ITIH5: variants seen among roughly 807,000 people sequenced by gnomAD.
The protein encoded by ITIH5 is inter-alpha-trypsin inhibitor heavy chain H5.
A neutral mutation model predicts 77.5 loss-of-function variants in ITIH5; 65 were observed. That is an observed-to-expected ratio of 0.84 (90% CI 0.69 to 1.03). ITIH5 has a LOEUF of 1.03. ITIH5 is among the 50% of genes least tolerant of loss of function. The pLI, the probability that ITIH5 is intolerant of heterozygous loss-of-function variation, is 0.00. For synonymous variants in ITIH5, 525 were observed against 494.3 expected (o/e 1.06, Z -0.82); for missense variants, 1,208 against 1,213.1 (o/e 1.00, Z 0.06).
At chr10:7,645,047 G>C in intron 2 of ITIH5, among the ~76,000 whole-genome samples, 1 of 150,680 alleles carries the variant, frequency 6.6e-6, no homozygotes, top group African/African-American at 2.4e-5. Flanking sequence ...ATGAGGAAGG[G>C]GAGAGAATGG....
At chr10:7,605,533 A>ACC (rs767043819) in intron 7 of ITIH5, among the ~76,000 whole-genome samples, 73 of 45,468 alleles carry the variant, frequency 1.6e-3, no homozygotes, top group African/African-American at 4.7e-3. Flanking sequence ...CATACCTAGC[A>ACC]CCCCACCCCC....
intron 5 of ITIH5, among the ~76,000 whole-genome samples, chr10:7,623,489 G>A (rs1464638734): frequency 1.3e-5 from 2 of 152,138 alleles, no homozygotes; most frequent in Non-Finnish European, 2.9e-5. Context: ...AGGCAATGAC[G>A]ATGAGAAGGA....
At chr10:7,626,613 G>T (rs1324198221) in intron 5 of ITIH5, among the ~76,000 whole-genome samples, 1 of 152,176 alleles carries the variant, frequency 6.6e-6, no homozygotes, top group Non-Finnish European at 1.5e-5. Context: ...CAGTCACAGT[G>T]CAGCCCTTTA....
intron 12 of ITIH5, chr10:7,569,453 A>G: frequency 2.4e-6 from 1 of 419,740 alleles, no homozygotes; most frequent in Non-Finnish European, 4.2e-6. Flanking sequence ...AACAACTCCC[A>G]AGGCATGTGC....
At chr10:7,601,047 C>T (rs1833004747) in intron 7 of ITIH5, among the ~76,000 whole-genome samples, 1 of 152,166 alleles carries the variant, frequency 6.6e-6, no homozygotes, top group Non-Finnish European at 1.5e-5. Context: ...TATGGCACCA[C>T]TAAATATAAC....
intron 5 of ITIH5, among the ~76,000 whole-genome samples, chr10:7,630,442 C>T (rs2131062945): frequency 6.6e-6 from 1 of 152,298 alleles, no homozygotes. Flanking sequence ...ACATTCCTAC[C>T]AGCAATGTAC....
At chr10:7,629,914 T>C (rs1283796526) in intron 5 of ITIH5, among the ~76,000 whole-genome samples, 1 of 152,204 alleles carries the variant, frequency 6.6e-6, no homozygotes, top group African/African-American at 2.4e-5. Context: ...TTAGAAAGAA[T>C]TCCAGACAAC....
intron 13 of ITIH5, among the ~76,000 whole-genome samples, chr10:7,565,423 T>C (rs1588353887): frequency 6.7e-6 from 1 of 150,220 alleles, no homozygotes; most frequent in African/African-American, 2.4e-5. Context: ...ACAGTATACA[T>C]ACATATATAC....
chr10:7,640,148 C>CAAAAAAAAAAAA (rs56939703), intron 4 of ITIH5, among the ~76,000 whole-genome samples: 2 of 80,278 alleles, frequency 2.5e-5, no homozygotes, highest in African/African-American at 4.9e-5. Context: ...GGGGTAACTA[C>CAAAAAAAAAAAA]AAAAAAAAAA....
intron 7 of ITIH5, among the ~76,000 whole-genome samples, chr10:7,589,449 ACT>A (rs1437512114): frequency 6.6e-6 from 1 of 151,742 alleles, no homozygotes; most frequent in Non-Finnish European, 1.5e-5. Flanking sequence ...ACAGAGCGAG[ACT>A]CTATCTCAAA....
intron 7 of ITIH5, among the ~76,000 whole-genome samples, chr10:7,604,845 T>G (rs1436998999): frequency 6.6e-6 from 1 of 152,140 alleles, no homozygotes; most frequent in East Asian, 1.9e-4. Flanking sequence ...TCTTCTTTTT[T>G]GAATGGAGTC....
At position 7,666,959 on chromosome 10, in the gene ITIH5, G is replaced by A. The variant is rs1168726781; in HGVS notation, c.-67C>T. Reference sequence around the variant, plus strand: ...ACGCTTTGCAGCGCCCAGGGCTCCAGCCACTGCGGGACGCTCTCGGGGCCG... The same window carrying A: ...ACGCTTTGCAGCGCCCAGGGCTCCAACCACTGCGGGACGCTCTCGGGGCCG... On this transcript the variant is annotated 5_prime_UTR_variant, in exon 1 of 14. Transcript: ENST00000397146. 5.3e-6 allele frequency: 7 copies of A among 1,309,060 alleles called. No individual in the cohort carries two copies. In the African/African-American group the frequency reaches 6.1e-5, roughly 11 times the overall value. The allele number at this position is 1,309,060 out of a possible 1,614,324, so 81.1% of individuals were successfully genotyped here. A position where few individuals can be genotyped will look rare whatever the true frequency, so the allele number is the denominator to read the frequency against.
chr10:7,581,937 G>A (rs150727352), intron 8 of ITIH5, among the ~76,000 whole-genome samples: 2,156 of 143,944 alleles, frequency 0.015, 61 homozygotes, highest in African/African-American at 0.051. Context: ...ATGCAGTGGC[G>A]TGATCTTGGC....
intron 1 of ITIH5, among the ~76,000 whole-genome samples, chr10:7,657,613 GA>G (rs1380676277): frequency 1.3e-5 from 2 of 150,656 alleles, no homozygotes; most frequent in Non-Finnish European, 2.9e-5. Flanking sequence ...CACAGCTACT[GA>G]AAATAAGGAC....
intron 7 of ITIH5, among the ~76,000 whole-genome samples, chr10:7,592,992 G>A (rs770813244): frequency 6.6e-6 from 1 of 152,136 alleles, no homozygotes; most frequent in Non-Finnish European, 1.5e-5. Context: ...CTGCCAGGAA[G>A]GCCACCCATG....
At chr10:7,565,314 T>TAC (rs561932062) in intron 13 of ITIH5, among the ~76,000 whole-genome samples, 6 of 149,182 alleles carry the variant, frequency 4.0e-5, no homozygotes, top group East Asian at 2.0e-4. Context: ...TATATATATA[T>TAC]ACACACACAC....
rs975768206 is a variant in ITIH5 at position 7,641,858 on chromosome 10, C to A, written c.299+69G>T. The A allele has an allele frequency of 2.3e-5, 30 of 1,319,098 alleles. No individual in the cohort carries two copies. The Admixed American group carries it at 5.1e-4, about 22-fold the overall frequency. 81.7% of individuals were successfully genotyped at this position (1,319,098 alleles called of 1,614,324 possible). ...ATCCTCACAGTCACAAGGCTGTGGA[C>A]CTCACATCTCAGGCTCAACCTGACC... On this transcript the variant is annotated intron_variant, in intron 3 of 13. Transcript: ENST00000397146.
chr10:7,626,952 A>C (rs1467472862), intron 5 of ITIH5, among the ~76,000 whole-genome samples: 2 of 152,248 alleles, frequency 1.3e-5, no homozygotes, highest in Non-Finnish European at 2.9e-5. Context: ...GAAAGTGCTG[A>C]AAACCTGATA....
rs767733640 is a variant in ITIH5 at position 7,566,322 on chromosome 10, G to A, written c.2235C>T (p.Thr745=). ...ATCTCTCTGGCTTGTTGATGAGGATGGTGATAGTGCGCAAGTAAGTGCGCT... is the reference window on the plus strand; with the variant it reads ...ATCTCTCTGGCTTGTTGATGAGGATAGTGATAGTGCGCAAGTAAGTGCGCT... ...KKQRTYLRTI[T]ILINKPERSY... Residue 745 remains threonine (T), a synonymous_variant, in exon 13 of 14, where the codon ACC becomes ACT. Transcript: ENST00000397146. The A allele has an allele frequency of 8.7e-6, 14 of 1,613,732 alleles. No homozygotes were observed. The East Asian group carries it at 1.3e-4, about 15-fold the overall frequency.
Sources: gnomAD v4.1 joint callset for allele counts (sites outside exome capture counted in the v4.1 genomes callset) on GRCh38, gnomAD v4.1.1 for gene constraint, MANE v1.5 for transcripts, NCBI Gene and HGNC (gene_info 2026-07-23, HGNC 2026-07-21) for gene names.